The following LYPLAL1 variants were observed in gnomAD, a reference collection of about 807,000 sequenced individuals.
LYPLAL1 encodes lysophospholipase-like protein 1.
A neutral mutation model predicts 19.7 loss-of-function variants in LYPLAL1; 23 were observed. The ratio of observed to expected loss-of-function variants is 1.17; its 90% CI spans 0.84 to 1.65. LYPLAL1 has a LOEUF of 1.65. Among genes scored for constraint, LYPLAL1 ranks in the 40% most tolerant of loss-of-function variants. LYPLAL1 has a pLI of 0.00. For missense variants in LYPLAL1, 355 were observed against 279.4 expected, an observed-to-expected ratio of 1.27 and a Z score of -1.93; for synonymous variants, 119 against 96.3, an observed-to-expected ratio of 1.24 and a Z score of -1.38.
chr1:219,245,084 T>G, the LYPLAL1 span, among the ~76,000 whole-genome samples: 1 of 150,988 alleles, frequency 6.6e-6, no homozygotes, highest in Non-Finnish European at 1.5e-5. Context: ...CCTTCCTCTT[T>G]CTTCTTTCTC....
intron 2 of LYPLAL1, among the ~76,000 whole-genome samples, chr1:219,181,919 A>G (rs990896488): frequency 2.6e-5 from 4 of 152,182 alleles, no homozygotes; most frequent in South Asian, 2.1e-4. Flanking sequence ...TGAAGATTGA[A>G]TAAATATCTT....
intron 1 of LYPLAL1, among the ~76,000 whole-genome samples, chr1:219,176,150 T>A (rs556791653): frequency 6.6e-6 from 1 of 152,206 alleles, no homozygotes; most frequent in Non-Finnish European, 1.5e-5. Flanking sequence ...CCAACTTAAT[T>A]TGAGCCTTTT....
chr1:219,276,795 A>G, the LYPLAL1 span, among the ~76,000 whole-genome samples: 1 of 152,212 alleles, frequency 6.6e-6, no homozygotes, highest in African/African-American at 2.4e-5. Flanking sequence ...AGTACGGAGG[A>G]AATTCCCCCA....
the LYPLAL1 span, among the ~76,000 whole-genome samples, chr1:219,261,542 T>C: frequency 6.6e-6 from 1 of 152,196 alleles, no homozygotes; most frequent in African/African-American, 2.4e-5. Flanking sequence ...TTTTAACCTT[T>C]CTTGTAGTGC....
chr1:219,410,577 C>G, the LYPLAL1 span, among the ~76,000 whole-genome samples: 1 of 152,264 alleles, frequency 6.6e-6, no homozygotes, highest in African/African-American at 2.4e-5. Flanking sequence ...CAGTCCCCTA[C>G]TGCACTGTGG....
chr1:219,371,922 A>G, the LYPLAL1 span, among the ~76,000 whole-genome samples: 1 of 152,220 alleles, frequency 6.6e-6, no homozygotes, highest in Admixed American at 6.5e-5. Context: ...AATAATTTCA[A>G]TGTACTCCAC....
At chr1:219,192,099 G>A (rs1329625715) in intron 2 of LYPLAL1, among the ~76,000 whole-genome samples, 1 of 151,468 alleles carries the variant, frequency 6.6e-6, no homozygotes, top group Non-Finnish European at 1.5e-5. Context: ...CCACCCACTG[G>A]TCCTAAAGAT....
the LYPLAL1 span, among the ~76,000 whole-genome samples, chr1:219,432,603 G>A: frequency 3.0e-4 from 45 of 152,214 alleles, 1 homozygote; most frequent in East Asian, 6.0e-3. Flanking sequence ...AAGTGGACAC[G>A]ATGGCATTCA....
the LYPLAL1 span, among the ~76,000 whole-genome samples, chr1:219,260,757 C>G: frequency 1.1e-4 from 17 of 151,100 alleles, no homozygotes; most frequent in Non-Finnish European, 2.2e-4. Flanking sequence ...CTTATAATCT[C>G]AAATAGAAAA....
At chr1:219,221,779 C>T in the LYPLAL1 span, among the ~76,000 whole-genome samples, 1 of 152,212 alleles carries the variant, frequency 6.6e-6, no homozygotes, top group Non-Finnish European at 1.5e-5. Flanking sequence ...CACCTCTCTA[C>T]ATCTGGCTGT....
At chr1:219,190,536 G>A (rs1268807352) in intron 2 of LYPLAL1, among the ~76,000 whole-genome samples, 3 of 146,226 alleles carry the variant, frequency 2.1e-5, no homozygotes, top group Admixed American at 1.4e-4. Flanking sequence ...TGGATTGGCA[G>A]GAGCTTCTTA....
chr1:219,190,341 C>T (rs1349436876), intron 2 of LYPLAL1, among the ~76,000 whole-genome samples: 3 of 151,510 alleles, frequency 2.0e-5, no homozygotes, highest in Non-Finnish European at 4.4e-5. Flanking sequence ...TGTCTTCCTC[C>T]TTTCCTCCCT....
chr1:219,265,547 C>A, the LYPLAL1 span, among the ~76,000 whole-genome samples: 2 of 152,146 alleles, frequency 1.3e-5, no homozygotes, highest in Non-Finnish European at 2.9e-5. Flanking sequence ...TTTCAAAGTT[C>A]TACTATAGAA....
At chr1:219,380,740 A>G in the LYPLAL1 span, among the ~76,000 whole-genome samples, 2 of 152,246 alleles carry the variant, frequency 1.3e-5, no homozygotes, top group African/African-American at 2.4e-5. Flanking sequence ...CGTATTTGCT[A>G]TATTTCAGGA....
chr1:219,423,370 G>T, the LYPLAL1 span, among the ~76,000 whole-genome samples: 3 of 152,158 alleles, frequency 2.0e-5, no homozygotes, highest in Admixed American at 6.6e-5. Context: ...TTATGTGTCT[G>T]TGCTTTCCTA....
At chr1:219,360,658 C>A in the LYPLAL1 span, among the ~76,000 whole-genome samples, 2 of 152,090 alleles carry the variant, frequency 1.3e-5, no homozygotes, top group African/African-American at 4.8e-5. Flanking sequence ...CATGTGTGCT[C>A]ACGGGTATGT....
chr1:219,292,264 G>A, the LYPLAL1 span, among the ~76,000 whole-genome samples: 1 of 152,152 alleles, frequency 6.6e-6, no homozygotes, highest in Non-Finnish European at 1.5e-5. Flanking sequence ...ACTCGAATTT[G>A]GTTCCCAGCC....
chr1:219,375,532 G>A, the LYPLAL1 span, among the ~76,000 whole-genome samples: 2 of 137,126 alleles, frequency 1.5e-5, no homozygotes, highest in South Asian at 2.4e-4. Context: ...AATAGAAGAA[G>A]CTCAAGTAAC....
chr1:219,430,439 A>G, the LYPLAL1 span, among the ~76,000 whole-genome samples: 1 of 152,166 alleles, frequency 6.6e-6, no homozygotes, highest in Non-Finnish European at 1.5e-5. Flanking sequence ...GTCTCTTTAA[A>G]GGCAGGAAGT....
Sources: gnomAD v4.1 joint callset for allele counts (sites outside exome capture counted in the v4.1 genomes callset) on GRCh38, gnomAD v4.1.1 for gene constraint, MANE v1.5 for transcripts, NCBI Gene and HGNC (gene_info 2026-07-23, HGNC 2026-07-21) for gene names.